RABGAP1L: variants seen among roughly 807,000 people sequenced by gnomAD.
RABGAP1L encodes the protein RAB GTPase activating protein 1 like.
A neutral mutation model predicts 137.7 loss-of-function variants in RABGAP1L; 63 were observed. The observed-to-expected ratio is 0.46, with a 90% CI of 0.37 to 0.56. The LOEUF (loss-of-function observed/expected upper bound fraction) is 0.56, where lower values mean the gene tolerates loss of function less well. Among genes scored for constraint, RABGAP1L ranks in the 20% least tolerant of loss-of-function variants. The pLI is 0.00. For synonymous variants in RABGAP1L, 431 were observed against 433.7 expected (o/e 0.99, Z 0.08); for missense variants, 1,095 against 1,244.0 (o/e 0.88, Z 1.80).
intron 18 of RABGAP1L, chr1:174,800,620 C>G: frequency 7.1e-7 from 1 of 1,413,638 alleles, no homozygotes; most frequent in East Asian, 2.5e-5. Flanking sequence ...CCCATTCTGC[C>G]GAGAAGGAAA....
At chr1:174,956,549 A>G (rs1236666491) in intron 19 of RABGAP1L, among the ~76,000 whole-genome samples, 1 of 152,164 alleles carries the variant, frequency 6.6e-6, no homozygotes, top group Admixed American at 6.5e-5. Context: ...ATTATCTCAT[A>G]CAGCATAATG....
intron 13 of RABGAP1L, among the ~76,000 whole-genome samples, chr1:174,462,987 G>A (rs1009674062): frequency 1.3e-5 from 2 of 152,128 alleles, no homozygotes; most frequent in Non-Finnish European, 2.9e-5. Context: ...AGTTAGAATG[G>A]CAATCATTAA....
At chr1:174,570,079 A>C (rs1572358083) in intron 13 of RABGAP1L, among the ~76,000 whole-genome samples, 1 of 152,198 alleles carries the variant, frequency 6.6e-6, no homozygotes, top group East Asian at 1.9e-4. Context: ...ATGTTATTCT[A>C]TGATTTTTAT....
intron 14 of RABGAP1L, among the ~76,000 whole-genome samples, chr1:174,664,730 C>CTTTTTTTTTTTTTTTTGTTTTTTTTTT (rs747671420): frequency 1.0e-5 from 1 of 98,914 alleles, no homozygotes; most frequent in Admixed American, 1.0e-4. Context: ...TTTCTTTCTG[C>CTTTTTTTTTTTTTTTTGTTTTTTTTTT]TTTCTTTTTT....
chr1:174,878,662 G>C (rs561123103), intron 19 of RABGAP1L, among the ~76,000 whole-genome samples: 3 of 151,670 alleles, frequency 2.0e-5, no homozygotes, highest in South Asian at 4.2e-4. Context: ...CTATTTTAAG[G>C]CACAGGAACC....
chr1:174,447,890 G>GCCCCCCCCCC (rs11321562), intron 13 of RABGAP1L, among the ~76,000 whole-genome samples: 2 of 69,566 alleles, frequency 2.9e-5, no homozygotes, highest in Non-Finnish European at 5.9e-5. Flanking sequence ...ACCCCTTACC[G>GCCCCCCCCCC]CCCCCCCCCC....
chr1:174,766,729 C>T (rs2148716951), intron 18 of RABGAP1L, among the ~76,000 whole-genome samples: 1 of 152,310 alleles, frequency 6.6e-6, no homozygotes, highest in Middle Eastern at 3.4e-3. Flanking sequence ...AGCCCCCTGA[C>T]CATTCTTTTA....
intron 13 of RABGAP1L, among the ~76,000 whole-genome samples, chr1:174,585,300 T>G (rs1307608118): frequency 6.6e-6 from 1 of 152,182 alleles, no homozygotes; most frequent in Non-Finnish European, 1.5e-5. Context: ...GGAATACAGC[T>G]CATTATCTAA....
intron 17 of RABGAP1L, among the ~76,000 whole-genome samples, chr1:174,707,261 G>A (rs1342734542): frequency 3.3e-5 from 4 of 119,682 alleles, no homozygotes; most frequent in African/African-American, 1.0e-4. Flanking sequence ...TTTTTAGGTC[G>A]CAGATAATGG....
intron 14 of RABGAP1L, among the ~76,000 whole-genome samples, chr1:174,662,191 C>T (rs1159029347): frequency 6.7e-6 from 1 of 149,232 alleles, no homozygotes; most frequent in African/African-American, 2.5e-5. Flanking sequence ...GCAACCTCCG[C>T]CTCCTGGGTT....
At chr1:174,878,821 A>T (rs913832117) in intron 19 of RABGAP1L, among the ~76,000 whole-genome samples, 1 of 152,256 alleles carries the variant, frequency 6.6e-6, no homozygotes, top group African/African-American at 2.4e-5. Flanking sequence ...TAATTTGAAC[A>T]AAGTATAAAA....
chr1:174,404,241 T>G (rs16846957), intron 13 of RABGAP1L, among the ~76,000 whole-genome samples: 9,218 of 152,214 alleles, frequency 0.061, 987 homozygotes, highest in African/African-American at 0.21. Flanking sequence ...CAGGGAAGAC[T>G]TCACAGAGGA....
intron 19 of RABGAP1L, among the ~76,000 whole-genome samples, chr1:174,940,523 TC>T (rs1434748906): frequency 6.6e-6 from 1 of 152,050 alleles, no homozygotes. Flanking sequence ...AGTGATCCTT[TC>T]ATCTCAGCCT....
At chr1:174,341,333 A>G (rs1681954844) in intron 11 of RABGAP1L, among the ~76,000 whole-genome samples, 1 of 152,206 alleles carries the variant, frequency 6.6e-6, no homozygotes, top group South Asian at 2.1e-4. Flanking sequence ...GTGTTACAAA[A>G]TGTTGCTTGA....
intron 19 of RABGAP1L, among the ~76,000 whole-genome samples, chr1:174,847,009 G>C (rs1263997969): frequency 2.6e-5 from 2 of 76,806 alleles, no homozygotes; most frequent in Non-Finnish European, 6.1e-5. Context: ...TTTGATCTTT[G>C]TTGGTTTAAA....
chr1:174,588,681 T>C (rs1669316814), intron 13 of RABGAP1L, among the ~76,000 whole-genome samples: 1 of 152,176 alleles, frequency 6.6e-6, no homozygotes, highest in African/African-American at 2.4e-5. Context: ...TTTTTTTAGC[T>C]CCCACAAATG....
At chr1:174,637,899 G>T (rs562732788) in intron 14 of RABGAP1L, among the ~76,000 whole-genome samples, 1 of 152,322 alleles carries the variant, frequency 6.6e-6, no homozygotes, top group East Asian at 1.9e-4. Flanking sequence ...ATTGGATGTT[G>T]TTGATATATT....
At chr1:174,880,505 A>G (rs1354164612) in intron 19 of RABGAP1L, among the ~76,000 whole-genome samples, 1 of 151,752 alleles carries the variant, frequency 6.6e-6, no homozygotes, top group African/African-American at 2.4e-5. Context: ...TGAGAGGACC[A>G]TCATAAATAA....
At chr1:174,877,650 C>G (rs372432902) in intron 19 of RABGAP1L, 517 of 1,575,464 alleles carry the variant, frequency 3.3e-4, no homozygotes, top group Non-Finnish European at 4.4e-4. Flanking sequence ...ATTTTCTTTT[C>G]TAACATGATA....
Sources: gnomAD v4.1 joint callset for allele counts (sites outside exome capture counted in the v4.1 genomes callset) on GRCh38, gnomAD v4.1.1 for gene constraint, MANE v1.5 for transcripts, NCBI Gene and HGNC (gene_info 2026-07-23, HGNC 2026-07-21) for gene names.